Variants in DKK3 observed in about 807,000 individuals in gnomAD.
DKK3 encodes dickkopf Wnt signaling pathway inhibitor 3.
DKK3 carries 22 observed loss-of-function variants against 33.2 expected under a neutral mutation model. The observed-to-expected ratio is 0.66, with a 90% CI of 0.47 to 0.95. The LOEUF is 0.95. DKK3 is among the 40% of genes least tolerant of loss of function. The pLI is 0.00. For synonymous variants in DKK3, 194 were observed against 188.8 expected (o/e 1.03, Z -0.23); for missense variants, 398 against 458.4 (o/e 0.87, Z 1.20).
At chr11:11,968,642 C>A in intron 3 of DKK3, 155 bp from the exon 4 acceptor site, 1 of 598,886 alleles carries the variant, frequency 1.7e-6, no homozygotes, top group Non-Finnish European at 2.8e-6. Context: ...CGCTCCTGAT[C>A]CCTGCCTGGC....
intron 3 of DKK3, among the ~76,000 whole-genome samples, chr11:11,985,084 G>A (rs1344241406): frequency 1.3e-5 from 2 of 152,188 alleles, no homozygotes; most frequent in Non-Finnish European, 2.9e-5. Flanking sequence ...GGCAAGAAAC[G>A]TGGAACTCCA....
chr11:11,976,041 C>G (rs538859985), intron 3 of DKK3, among the ~76,000 whole-genome samples: 1 of 152,192 alleles, frequency 6.6e-6, no homozygotes, highest in East Asian at 1.9e-4. Flanking sequence ...ACCCACTCTA[C>G]CCCTAGCGTG....
In DKK3 at chr11:12,007,336, T is replaced by G. The variant is rs533011754; in HGVS notation, c.213+1034A>C. Among the ~76,000 whole-genome samples, 8 of 152,292 alleles carry G rather than the reference T, an allele frequency of 5.3e-5. No homozygotes were observed. The South Asian group carries it at 1.7e-3, about 32-fold the overall frequency. On this transcript the variant is annotated intron_variant, in intron 1 of 6. Coordinates refer to ENST00000683431, the MANE Select transcript of DKK3 (RefSeq NM_001018057.2). ...GGACATTGGTTTCCTGCTGCCTCCT[T>G]CACTAGGACGGCTGGCTCCTCTCTA...
intron 3 of DKK3, chr11:11,994,697 A>G (rs1010035876): frequency 1.3e-5 from 2 of 152,130 alleles, no homozygotes; most frequent in South Asian, 2.1e-4. Context: ...CCAGCACCCC[A>G]CTCGAGAGTG....
At position 11,963,248 on chromosome 11, in the gene DKK3, A is replaced by C. The variant is rs946028014; in HGVS notation, c.*1216T>G. 3.3e-5 allele frequency: 5 copies of C among 152,674 alleles called. No individual in the cohort carries two copies. Among genetic ancestry groups the C allele is most frequent in the African/African-American group, 1.2e-4 (5 of 41,476 alleles). 9.5% of individuals were successfully genotyped at this position (152,674 alleles called of 1,614,324 possible). A position where few individuals can be genotyped will look rare whatever the true frequency, so the allele number is the denominator to read the frequency against. ...GATGAATACATGGTGGCAACAGTCC[A>C]TGACACCTGAAAACATCATTTGTGG... On this transcript the variant is annotated 3_prime_UTR_variant, in exon 7 of 7. Coordinates refer to ENST00000683431, the MANE Select transcript of DKK3 (RefSeq NM_001018057.2).
chr11:11,975,760 C>T (rs1353889677), intron 3 of DKK3, among the ~76,000 whole-genome samples: 1 of 152,156 alleles, frequency 6.6e-6, no homozygotes, highest in African/African-American at 2.4e-5. Context: ...CACTGGGCCC[C>T]CACACTCCCC....
chr11:11,993,468 C>T (rs924454335), intron 3 of DKK3, among the ~76,000 whole-genome samples: 23 of 152,096 alleles, frequency 1.5e-4, no homozygotes, highest in African/African-American at 5.5e-4. Context: ...GATGTGGAAT[C>T]GCTTCTATTT....
chr11:11,981,931 C>G (rs1173174007), intron 3 of DKK3, among the ~76,000 whole-genome samples: 1 of 152,102 alleles, frequency 6.6e-6, no homozygotes, highest in African/African-American at 2.4e-5. Context: ...TCCTATGAAC[C>G]TGAGGACTTT....
intron 2 of DKK3, among the ~76,000 whole-genome samples, chr11:12,000,162 T>C (rs1848392768): frequency 6.6e-6 from 1 of 151,074 alleles, no homozygotes; most frequent in Non-Finnish European, 1.5e-5. Context: ...CTATGAAGCA[T>C]TGCATAAGAC....
chr11:11,993,423 CT>C (rs1400650069), intron 3 of DKK3, among the ~76,000 whole-genome samples: 1 of 151,952 alleles, frequency 6.6e-6, no homozygotes, highest in Non-Finnish European at 1.5e-5. Flanking sequence ...TTTATACCAT[CT>C]CCACAGTATT....
intron 2 of DKK3, among the ~76,000 whole-genome samples, chr11:12,001,343 C>A (rs1848423386): frequency 6.6e-6 from 1 of 152,178 alleles, no homozygotes; most frequent in Admixed American, 6.5e-5. Context: ...AAGTGCCACA[C>A]AAAAGCTACT....
chr11:12,000,452 C>T (rs1006462055), intron 2 of DKK3, among the ~76,000 whole-genome samples: 1 of 151,844 alleles, frequency 6.6e-6, no homozygotes, highest in African/African-American at 2.4e-5. Context: ...GGTGATCCGC[C>T]CGCCTTGGCC....
chr11:12,007,418 G>A (rs1447331176), intron 1 of DKK3, among the ~76,000 whole-genome samples: 1 of 152,128 alleles, frequency 6.6e-6, no homozygotes. Flanking sequence ...CCCACCCCAG[G>A]CACCAGGGAC....
At position 11,968,377 on chromosome 11, in the gene DKK3, AGG is replaced by A; in HGVS notation, c.528+16_528+17del. The A allele has an allele frequency of 6.2e-7, 1 of 1,604,232 alleles. No individual in the cohort carries two copies. The highest frequency in any genetic ancestry group is 2.3e-5 in the East Asian group (1 of 44,430). ...TGAGACCCTGGTGCCACAGCCCCAG[AGG>A]CCCTGGCATACTCACCATCCTCTGG... On this transcript the variant is annotated intron_variant, in intron 4 of 6. Transcript: ENST00000683431.
intron 3 of DKK3, among the ~76,000 whole-genome samples, chr11:11,978,569 G>C (rs118002437): frequency 0.015 from 2,327 of 151,046 alleles, 24 homozygotes; most frequent in Non-Finnish European, 0.024. Flanking sequence ...TAGAGATGGG[G>C]TCTCTCTATA....
intron 3 of DKK3, among the ~76,000 whole-genome samples, chr11:11,985,724 G>A (rs148704189): frequency 7.2e-5 from 11 of 152,308 alleles, no homozygotes; most frequent in African/African-American, 2.2e-4. Flanking sequence ...CTGTGTTGTA[G>A]GTGGGTTTGG....
At chr11:12,005,117 C>T (rs115255528) in intron 1 of DKK3, among the ~76,000 whole-genome samples, 1,823 of 152,246 alleles carry the variant, frequency 0.012, 34 homozygotes, top group African/African-American at 0.041. Flanking sequence ...AAATTCCCAT[C>T]GGGATCAGTT....
intron 3 of DKK3, among the ~76,000 whole-genome samples, chr11:11,973,565 T>G (rs1037313603): frequency 1.3e-5 from 2 of 152,188 alleles, no homozygotes; most frequent in Non-Finnish European, 2.9e-5. Flanking sequence ...GCTGGGGGAA[T>G]CTGACAAACA....
chr11:11,988,526 C>T (rs866714281), intron 3 of DKK3, among the ~76,000 whole-genome samples: 26 of 152,200 alleles, frequency 1.7e-4, no homozygotes, highest in African/African-American at 5.3e-4. Flanking sequence ...TCCCGGGAAG[C>T]CCTCGCTACC....
Sources: gnomAD v4.1 joint callset for allele counts (sites outside exome capture counted in the v4.1 genomes callset) on GRCh38, gnomAD v4.1.1 for gene constraint, MANE v1.5 for transcripts, NCBI Gene and HGNC (gene_info 2026-07-23, HGNC 2026-07-21) for gene names.